EDA: variants seen among roughly 807,000 people sequenced by gnomAD.
EDA encodes ectodysplasin-A.
EDA carries 2 observed loss-of-function variants against 23.6 expected under a neutral mutation model. The observed-to-expected ratio is 0.08, with a 90% CI of 0.03 to 0.27. The LOEUF (loss-of-function observed/expected upper bound fraction) is 0.27. Ranked by LOEUF, EDA falls within the 10% of genes least tolerant of loss-of-function variation. The pLI is 1.00. For synonymous variants in EDA, 131 were observed against 132.0 expected, an observed-to-expected ratio of 0.99 and a Z score of 0.05; for missense variants, 229 against 324.2, an observed-to-expected ratio of 0.71 and a Z score of 2.26.
intron 1 of EDA, among the ~76,000 whole-genome samples, chrX:69,941,739 A>T (rs1443241677): frequency 9.0e-6 from 1 of 111,108 alleles, no homozygotes; most frequent in African/African-American, 3.3e-5. Context: ...TAGCCACTCT[A>T]TGTTTTTTGA....
chrX:69,778,944 A>C (rs2014864289), intron 1 of EDA, among the ~76,000 whole-genome samples: 1 of 111,381 alleles, frequency 9.0e-6, no homozygotes, highest in African/African-American at 3.3e-5. Context: ...CAACTACTCA[A>C]CTCTACTGTT....
chrX:69,997,264 T>C (rs745733158), intron 2 of EDA, among the ~76,000 whole-genome samples: 1 of 110,326 alleles, frequency 9.1e-6, no homozygotes, highest in Non-Finnish European at 1.9e-5. Flanking sequence ...TGGTCTCAGA[T>C]AGAGATGAGG....
chrX:69,803,300 TG>T (rs202164348), intron 1 of EDA, among the ~76,000 whole-genome samples: 5 of 110,641 alleles, frequency 4.5e-5, no homozygotes, highest in Non-Finnish European at 5.7e-5. Context: ...TCAGTTTTTT[TG>T]GTTTTTTTTT....
chrX:69,830,330 G>A (rs1018380775), intron 1 of EDA, among the ~76,000 whole-genome samples: 7 of 111,508 alleles, frequency 6.3e-5, no homozygotes, highest in African/African-American at 2.3e-4. Flanking sequence ...CTAAGCTGTG[G>A]ATTCTTAGTC....
At chrX:69,873,666 G>C (rs1296773013) in intron 1 of EDA, among the ~76,000 whole-genome samples, 2 of 111,149 alleles carry the variant, frequency 1.8e-5, no homozygotes, top group African/African-American at 6.5e-5. Flanking sequence ...AATTCTAAGA[G>C]AGAATTGAAA....
At chrX:69,696,074 T>C (rs954883031) in intron 1 of EDA, among the ~76,000 whole-genome samples, 2 of 110,245 alleles carry the variant, frequency 1.8e-5, no homozygotes, top group African/African-American at 6.6e-5. Flanking sequence ...ACCCCATCTC[T>C]ACTAAAAATA....
chrX:69,816,082 C>G (rs780549989), intron 1 of EDA, among the ~76,000 whole-genome samples: 1 of 111,153 alleles, frequency 9.0e-6, no homozygotes, highest in East Asian at 2.9e-4. Context: ...CTGGAATGGA[C>G]CCCCAGAAAA....
At chrX:69,752,851 A>G (rs1222962316) in intron 1 of EDA, among the ~76,000 whole-genome samples, 1 of 111,829 alleles carries the variant, frequency 8.9e-6, no homozygotes, top group Non-Finnish European at 1.9e-5. Flanking sequence ...TAGATTTTCT[A>G]GTTTATTTGT....
chrX:69,857,986 G>A (rs2017296820), intron 1 of EDA, among the ~76,000 whole-genome samples: 1 of 111,426 alleles, frequency 9.0e-6, no homozygotes, highest in African/African-American at 3.3e-5. Context: ...TTATTCTTTT[G>A]TGGCAATTGT....
At chrX:69,683,164 T>C (rs760069186) in intron 1 of EDA, among the ~76,000 whole-genome samples, 1 of 111,381 alleles carries the variant, frequency 9.0e-6, no homozygotes, top group African/African-American at 3.3e-5. Flanking sequence ...GACCAACATG[T>C]TAAGTACTCT....
intron 2 of EDA, among the ~76,000 whole-genome samples, chrX:69,962,221 A>G (rs1290388864): frequency 1.8e-5 from 2 of 111,562 alleles, no homozygotes; most frequent in Non-Finnish European, 3.8e-5. Context: ...AAATTGCAGC[A>G]TGGTGTAATA....
At chrX:69,882,864 A>G (rs2017770195) in intron 1 of EDA, among the ~76,000 whole-genome samples, 1 of 110,802 alleles carries the variant, frequency 9.0e-6, no homozygotes, top group Admixed American at 9.6e-5. Context: ...CACCATGCCC[A>G]GCTAATTTTG....
intron 1 of EDA, among the ~76,000 whole-genome samples, chrX:69,703,081 A>G (rs1283170044): frequency 9.1e-6 from 1 of 110,377 alleles, no homozygotes; most frequent in Non-Finnish European, 1.9e-5. Context: ...CCGTAGGGAG[A>G]CGATAAAAGG....
intron 1 of EDA, among the ~76,000 whole-genome samples, chrX:69,661,120 G>A (rs1478565220): frequency 9.1e-6 from 1 of 109,570 alleles, no homozygotes; most frequent in East Asian, 2.9e-4. Context: ...TTTTTCATGT[G>A]TTTTTTGGCT....
intron 2 of EDA, among the ~76,000 whole-genome samples, chrX:69,988,781 G>A (rs1460810499): frequency 1.8e-5 from 2 of 110,989 alleles, no homozygotes; most frequent in Non-Finnish European, 3.8e-5. Context: ...GCTTGAACCC[G>A]GGAGGTGGCG....
intron 1 of EDA, among the ~76,000 whole-genome samples, chrX:69,684,765 T>C (rs966123732): frequency 8.9e-6 from 1 of 112,701 alleles, no homozygotes; most frequent in Non-Finnish European, 1.9e-5. Flanking sequence ...TGTTGACTGA[T>C]TGAAATGCTG....
intron 1 of EDA, among the ~76,000 whole-genome samples, chrX:69,634,958 A>G (rs1932743170): frequency 8.9e-6 from 1 of 112,319 alleles, no homozygotes; most frequent in South Asian, 3.7e-4. Context: ...TGTTACAATT[A>G]TCTATGACTT....
chrX:69,633,528 C>T (rs949131891), intron 1 of EDA, among the ~76,000 whole-genome samples: 5 of 111,920 alleles, frequency 4.5e-5, no homozygotes, highest in African/African-American at 1.6e-4. Context: ...TCCTTTCCCC[C>T]ATCCTCTATC....
At chrX:69,721,653 G>C (rs1184241921) in intron 1 of EDA, among the ~76,000 whole-genome samples, 2 of 111,085 alleles carry the variant, frequency 1.8e-5, no homozygotes, top group East Asian at 5.7e-4. Flanking sequence ...ATGAGCCCAC[G>C]TGGGCTGATC....
Sources: allele counts gnomAD v4.1 joint callset (sites outside exome capture counted in the v4.1 genomes callset), GRCh38; gene constraint gnomAD v4.1.1; transcripts MANE v1.5; gene names NCBI Gene and HGNC (gene_info 2026-07-23, HGNC 2026-07-21).